TNRC6B: variants seen among roughly 807,000 people sequenced by gnomAD.
The protein encoded by TNRC6B is trinucleotide repeat containing adaptor 6B, also known as trinucleotide repeat-containing gene 6B protein.
A neutral mutation model predicts 203.6 loss-of-function variants in TNRC6B; 52 were observed. The observed-to-expected ratio is 0.26, with a 90% CI of 0.20 to 0.32. TNRC6B has a LOEUF of 0.32. Among genes scored for constraint, TNRC6B ranks in the 10% least tolerant of loss-of-function variants. TNRC6B has a pLI of 1.00. For missense variants in TNRC6B, 1,923 were observed against 2,286.2 expected, an observed-to-expected ratio of 0.84 and a Z score of 3.24; for synonymous variants, 838 against 845.7, an observed-to-expected ratio of 0.99 and a Z score of 0.16.
intron 12 of TNRC6B, among the ~76,000 whole-genome samples, chr22:40,294,075 A>C (rs1202990297): frequency 1.2e-4 from 2 of 16,790 alleles, no homozygotes; most frequent in South Asian, 1.8e-3. Flanking sequence ...CATCTCTACA[A>C]AAAAAAAAAA....
At chr22:40,131,675 T>TAG (rs1311488418) in intron 3 of TNRC6B, among the ~76,000 whole-genome samples, 1 of 152,308 alleles carries the variant, frequency 6.6e-6, no homozygotes, top group Non-Finnish European at 1.5e-5. Flanking sequence ...TCCAACCACT[T>TAG]AAAGTGGAGG....
At chr22:40,224,357 T>A (rs921840815) in intron 1 of TNRC6B, among the ~76,000 whole-genome samples, 7 of 152,218 alleles carry the variant, frequency 4.6e-5, no homozygotes, top group African/African-American at 7.2e-5. Flanking sequence ...GCAGTTGATC[T>A]ATATCTTAGG....
intron 1 of TNRC6B, among the ~76,000 whole-genome samples, chr22:40,201,567 C>A (rs967324381): frequency 1.3e-5 from 2 of 151,696 alleles, no homozygotes; most frequent in African/African-American, 4.8e-5. Context: ...TCCTGAGTAG[C>A]TGGGACTACA....
chr22:40,198,221 C>CTT (rs2069365761), intron 1 of TNRC6B, among the ~76,000 whole-genome samples: 1 of 152,100 alleles, frequency 6.6e-6, no homozygotes, highest in Admixed American at 6.6e-5. Flanking sequence ...GGGTTACAAG[C>CTT]TTGTTTACAC....
chr22:40,283,589 C>G (rs576815302), intron 11 of TNRC6B, among the ~76,000 whole-genome samples: 1 of 152,258 alleles, frequency 6.6e-6, no homozygotes, highest in Non-Finnish European at 1.5e-5. Context: ...GCTTGTGATG[C>G]CCAGCTTCCA....
intron 1 of TNRC6B, among the ~76,000 whole-genome samples, chr22:40,241,324 A>G (rs2070025537): frequency 6.6e-6 from 1 of 152,216 alleles, no homozygotes; most frequent in South Asian, 2.1e-4. Flanking sequence ...ATCAAAGGGA[A>G]AAAATTAACA....
chr22:40,231,960 C>T (rs1162060016), intron 1 of TNRC6B, among the ~76,000 whole-genome samples: 1 of 152,126 alleles, frequency 6.6e-6, no homozygotes, highest in Non-Finnish European at 1.5e-5. Context: ...TTGGTGGCAG[C>T]TAACCTGGAA....
At chr22:40,246,644 A>G (rs531344787) in intron 2 of TNRC6B, among the ~76,000 whole-genome samples, 90 of 152,350 alleles carry the variant, frequency 5.9e-4, no homozygotes, top group Admixed American at 2.4e-3. Flanking sequence ...AGTAAACAGT[A>G]TTACAAAGGC....
chr22:40,251,972 C>T (rs541444468), intron 3 of TNRC6B, among the ~76,000 whole-genome samples: 10 of 152,116 alleles, frequency 6.6e-5, no homozygotes, highest in Non-Finnish European at 1.5e-4. Context: ...AGTAGCTTAA[C>T]TCTGCTAAAA....
At chr22:40,248,076 A>G (rs115635285) in intron 2 of TNRC6B, among the ~76,000 whole-genome samples, 2,987 of 150,894 alleles carry the variant, frequency 0.02, 89 homozygotes, top group African/African-American at 0.069. Flanking sequence ...TCTTGTGTCT[A>G]GAAAAAAAAA....
chr22:40,084,662 G>T (rs2068087802), intron 1 of TNRC6B, among the ~76,000 whole-genome samples: 1 of 152,160 alleles, frequency 6.6e-6, no homozygotes, highest in South Asian at 2.1e-4. Flanking sequence ...AATTAATCCA[G>T]TCTGAGGGAG....
chr22:40,321,336 T>C, intron 22 of TNRC6B, 107 bp downstream of exon 22: 4 of 1,335,634 alleles, frequency 3.0e-6, no homozygotes, highest in Non-Finnish European at 4.1e-6. Flanking sequence ...ATACGAAGAA[T>C]GGCACCGTCA....
intron 1 of TNRC6B, among the ~76,000 whole-genome samples, chr22:40,074,673 G>GGA (rs1181224079): frequency 2.6e-5 from 4 of 151,974 alleles, no homozygotes; most frequent in Non-Finnish European, 5.9e-5. Flanking sequence ...CAGCTACCTG[G>GGA]GAGGCTGAGG....
intron 12 of TNRC6B, among the ~76,000 whole-genome samples, chr22:40,297,808 TG>T (rs1345302257): frequency 1.0e-5 from 1 of 96,746 alleles, no homozygotes; most frequent in African/African-American, 4.0e-5. Flanking sequence ...GGCGACAGAG[TG>T]AAACTCTATC....
At chr22:40,110,007 T>C (rs2068319110) in intron 1 of TNRC6B, among the ~76,000 whole-genome samples, 2 of 152,218 alleles carry the variant, frequency 1.3e-5, no homozygotes, top group Non-Finnish European at 2.9e-5. Flanking sequence ...CACTGGTTAA[T>C]TGGAGAAGCA....
Position 40,261,942 on chromosome 22 carries a change from C to T in TNRC6B, c.226C>T (p.Pro76Ser). The change falls in exon 4 of 23, where the codon CCG becomes TCG. Residue 76 changes from proline to serine, a missense_variant. Transcript: ENST00000454349. ...CAACAATGCCAAAAGGGTGGCAGTG[C>T]CGAACGGACAACCGCCAAGCGCCGC... ...GGNNAKRVAV[P>S]NGQPPSAARY... The T allele has an allele frequency of 6.2e-7, 1 of 1,612,762 alleles. No individual in the cohort carries two copies.
intron 3 of TNRC6B, among the ~76,000 whole-genome samples, chr22:40,129,783 A>C (rs1300455074): frequency 6.6e-6 from 1 of 152,266 alleles, no homozygotes; most frequent in Non-Finnish European, 1.5e-5. Flanking sequence ...ACTGACAATC[A>C]AATGGAGTGG....
At chr22:40,251,232 A>G in intron 3 of TNRC6B, 32 bp downstream of exon 3, 11 of 1,503,774 alleles carry the variant, frequency 7.3e-6, no homozygotes, top group Non-Finnish European at 9.9e-6. Flanking sequence ...TAAATTATTT[A>G]GAACCTTTTG....
chr22:40,171,887 G>T (rs1200161291), intron 4 of TNRC6B, among the ~76,000 whole-genome samples: 1 of 151,754 alleles, frequency 6.6e-6, no homozygotes, highest in Non-Finnish European at 1.5e-5. Context: ...TTTTGATGGA[G>T]TACCTCTCTG....
Sources: gnomAD v4.1 joint callset for allele counts (sites outside exome capture counted in the v4.1 genomes callset) on GRCh38, gnomAD v4.1.1 for gene constraint, MANE v1.5 for transcripts, NCBI Gene and HGNC (gene_info 2026-07-23, HGNC 2026-07-21) for gene names.